Variants in SYTL3 observed in about 807,000 individuals in gnomAD.
SYTL3 encodes synaptotagmin-like protein 3.
Under a neutral mutation model 82.1 loss-of-function variants are expected in SYTL3, and 88 were observed. The observed-to-expected ratio is 1.07, with a 90% CI of 0.90 to 1.28. The LOEUF (loss-of-function observed/expected upper bound fraction) is 1.28, where lower values mean the gene tolerates loss of function less well. Among genes scored for constraint, SYTL3 ranks in the 50% most tolerant of loss-of-function variants. The probability of loss-of-function intolerance (pLI) is 0.00; values close to 1 mark genes in which losing one functional copy is unlikely to be tolerated. For synonymous variants in SYTL3, 311 were observed against 289.4 expected (o/e 1.07, Z -0.76); for missense variants, 831 against 757.6 (o/e 1.10, Z -1.14).
At chr6:158,670,670 C>T (rs1777265354) in intron 5 of SYTL3, among the ~76,000 whole-genome samples, 1 of 151,986 alleles carries the variant, frequency 6.6e-6, no homozygotes, top group Non-Finnish European at 1.5e-5. Context: ...GTAATCCCAG[C>T]TACTTGGGAG....
chr6:158,718,284 C>G, intron 10 of SYTL3, 73 bp downstream of exon 10: 1 of 1,319,924 alleles, frequency 7.6e-7, no homozygotes, highest in Non-Finnish European at 9.8e-7. Context: ...AGCCTGCCTT[C>G]TCTGTAGATT....
intron 11 of SYTL3, among the ~76,000 whole-genome samples, chr6:158,738,149 C>T (rs995974284): frequency 1.3e-5 from 2 of 152,172 alleles, no homozygotes; most frequent in Non-Finnish European, 2.9e-5. Context: ...AGGACACTCA[C>T]GCCTGCATGC....
intron 6 of SYTL3, among the ~76,000 whole-genome samples, chr6:158,689,995 C>A (rs1252858703): frequency 1.3e-5 from 2 of 152,120 alleles, no homozygotes; most frequent in South Asian, 2.1e-4. Context: ...TTTTTCCTCC[C>A]AATCCTTGAT....
chr6:158,713,657 C>T (rs1783018071), intron 8 of SYTL3, 143 bp from the exon 9 acceptor site: 6 of 666,366 alleles, frequency 9.0e-6, no homozygotes, highest in Admixed American at 4.2e-5. Flanking sequence ...ACACCCATGC[C>T]CACCTGCACC....
At chr6:158,649,047 C>G (rs1787706993), upstream of SYTL3, among the ~76,000 whole-genome samples, 1 of 152,218 alleles carries the variant, frequency 6.6e-6, no homozygotes, top group South Asian at 2.1e-4. Flanking sequence ...GCAGCCCCTT[C>G]CCTGGGACCT....
In SYTL3 at chr6:158,763,430, A is replaced by G. The variant is rs2291387; in HGVS notation, c.1644A>G (p.Ser548=). The change falls in exon 17 of 18, where the codon TCA becomes TCG. Residue 548 remains serine (S), a synonymous_variant. Coordinates refer to ENST00000611299, the MANE Select transcript of SYTL3 (RefSeq NM_001242394.2). ...SGVTPAQLRQ[S]SLELTVWDQA... ...TAACCCCAGCTCAGCTGAGGCAGTC[A>G]AGCTTGGAGTTAACTGTCTGGGATC... 0.77 allele frequency: 1,237,017 copies of G among 1,613,964 alleles called. 488,905 individuals carry two copies. Among genetic ancestry groups the G allele is most frequent in the African/African-American group, 0.91 (68,303 of 75,022 alleles).
At chr6:158,725,478 TTAA>T in intron 10 of SYTL3, 22 bp from the exon 11 acceptor site, 1 of 1,612,146 alleles carries the variant, frequency 6.2e-7, no homozygotes, top group Non-Finnish European at 8.5e-7. Context: ...GACTATAATA[TTAA>T]TTTCTGTTTT....
At chr6:158,671,839 AATT>A (rs1777420690) in intron 5 of SYTL3, among the ~76,000 whole-genome samples, 1 of 152,006 alleles carries the variant, frequency 6.6e-6, no homozygotes, top group South Asian at 2.1e-4. Flanking sequence ...CTCTTTCCAT[AATT>A]ATTTTTGTTA....
chr6:158,675,170 C>G (rs1777881931), intron 5 of SYTL3, among the ~76,000 whole-genome samples: 2 of 152,166 alleles, frequency 1.3e-5, no homozygotes, highest in African/African-American at 2.4e-5. Flanking sequence ...AGGATGCCCC[C>G]CTGCGGAGGG....
At chr6:158,678,977 G>C (rs959879965) in intron 5 of SYTL3, among the ~76,000 whole-genome samples, 3 of 152,116 alleles carry the variant, frequency 2.0e-5, no homozygotes, top group African/African-American at 7.2e-5. Context: ...GGTTACTAAT[G>C]AATCACACTA....
intron 5 of SYTL3, among the ~76,000 whole-genome samples, chr6:158,680,340 G>C (rs998478850): frequency 6.6e-6 from 1 of 152,118 alleles, no homozygotes; most frequent in Non-Finnish European, 1.5e-5. Flanking sequence ...AGATAATTGA[G>C]TTTCTGACTT....
intron 10 of SYTL3, among the ~76,000 whole-genome samples, chr6:158,719,807 C>T (rs767322426): frequency 2.0e-5 from 3 of 152,196 alleles, no homozygotes; most frequent in South Asian, 2.1e-4. Flanking sequence ...TGATAAAGAT[C>T]GGCCGAGCCT....
chr6:158,751,153 C>T (rs185957284), intron 12 of SYTL3, among the ~76,000 whole-genome samples: 64 of 152,078 alleles, frequency 4.2e-4, no homozygotes, highest in Middle Eastern at 3.4e-3. Context: ...AGAAGAGACC[C>T]AAGACTGGGG....
rs536088331 is a variant in SYTL3 at position 158,684,497 on chromosome 6, G to A, written c.394+1508G>A. ...CAAAGGCGCACACAGGCACCGTCAC[G>A]GTGGAGTGCAGGCAGGTGCTGTGGG... On this transcript the variant is annotated intron_variant, in intron 6 of 17. Coordinates refer to ENST00000611299, the MANE Select transcript of SYTL3 (RefSeq NM_001242394.2). 1.5e-4 allele frequency among the ~76,000 whole-genome samples: 23 copies of A among 151,450 alleles called. 1 individual carries two copies. Among genetic ancestry groups the A allele is most frequent in the African/African-American group, 4.4e-4 (18 of 40,770 alleles).
At chr6:158,749,794 G>A (rs561656113) in intron 12 of SYTL3, among the ~76,000 whole-genome samples, 7 of 152,202 alleles carry the variant, frequency 4.6e-5, no homozygotes, top group East Asian at 3.9e-4. Flanking sequence ...GGCTGAAATC[G>A]ACACATTCTC....
At chr6:158,753,995 G>A (rs1243970006) in intron 13 of SYTL3, among the ~76,000 whole-genome samples, 2 of 152,064 alleles carry the variant, frequency 1.3e-5, no homozygotes, top group Admixed American at 6.6e-5. Context: ...ATGGGAAGCC[G>A]GGGAGGCCGA....
At chr6:158,760,510 C>A (rs968620452) in intron 14 of SYTL3, 130 bp from the exon 15 acceptor site, 3 of 727,240 alleles carry the variant, frequency 4.1e-6, no homozygotes, top group South Asian at 1.6e-5. Flanking sequence ...CACGGACACA[C>A]CTGCTCCACC....
intron 6 of SYTL3, among the ~76,000 whole-genome samples, chr6:158,701,185 G>GGGGAGGAGCC (rs1266292374): frequency 3.5e-5 from 5 of 144,802 alleles, no homozygotes; most frequent in Non-Finnish European, 3.0e-5. Context: ...GGTGAGCTGG[G>GGGGAGGAGCC]GTGTAGATGA....
intron 11 of SYTL3, among the ~76,000 whole-genome samples, chr6:158,728,843 G>A (rs1785053578): frequency 1.3e-5 from 2 of 151,976 alleles, no homozygotes; most frequent in African/African-American, 4.8e-5. Context: ...CTAACATGGT[G>A]AAACCTCGTC....
Sources: allele counts gnomAD v4.1 joint callset (sites outside exome capture counted in the v4.1 genomes callset), GRCh38; gene constraint gnomAD v4.1.1; transcripts MANE v1.5; gene names NCBI Gene and HGNC (gene_info 2026-07-23, HGNC 2026-07-21).